The following ABCA8 variants were observed in gnomAD, a reference collection of about 807,000 sequenced individuals.
ABCA8 encodes ATP binding cassette subfamily A member 8, also known as ABC-type organic anion transporter ABCA8.
ABCA8 carries 177 observed loss-of-function variants against 192.3 expected under a neutral mutation model. That is an observed-to-expected ratio of 0.92 (90% confidence interval 0.81 to 1.04). The LOEUF (loss-of-function observed/expected upper bound fraction) is 1.04. ABCA8 is among the 50% of genes least tolerant of loss of function. The pLI is 0.00. For synonymous variants in ABCA8, 642 were observed against 690.2 expected (o/e 0.93, Z 1.09); for missense variants, 1,915 against 1,904.8 (o/e 1.01, Z -0.10).
intron 32 of ABCA8, 136 bp downstream of exon 32, chr17:68,880,984 G>GA: frequency 2.9e-6 from 2 of 687,790 alleles, no homozygotes; most frequent in Non-Finnish European, 2.6e-6. Context: ...GATAATTCGT[G>GA]AATTTATTCT....
At chr17:68,921,837 G>T (rs2067541415) in intron 12 of ABCA8, among the ~76,000 whole-genome samples, 1 of 151,886 alleles carries the variant, frequency 6.6e-6, no homozygotes. Context: ...GTTATTACAT[G>T]GCTAAAACTC....
chr17:68,918,333 T>A lies in ABCA8; in HGVS notation c.1908+94A>T. On this transcript the variant is annotated intron_variant, in intron 15 of 39. Transcript: ENST00000586539. The stretch of plus-strand genomic sequence containing the variant: ...TTAATGTTCTATTATGAATATTTTA[T>A]AACACATGTCCTTTGCGAATAAAAT... 6 of 1,495,588 alleles carry A rather than the reference T, an allele frequency of 4.0e-6. No individual in the cohort carries two copies. In the South Asian group the frequency reaches 6.4e-5, roughly 16 times the overall value. The allele number at this position is 1,495,588 out of a possible 1,614,324, so 92.6% of individuals were successfully genotyped here.
intron 17 of ABCA8, among the ~76,000 whole-genome samples, chr17:68,916,292 T>C: frequency 6.6e-6 from 1 of 152,164 alleles, no homozygotes; most frequent in East Asian, 1.9e-4. Flanking sequence ...ACATGTACAA[T>C]ATATTAATAT....
chr17:68,893,500 C>A (rs2066664325), intron 23 of ABCA8, among the ~76,000 whole-genome samples: 1 of 152,250 alleles, frequency 6.6e-6, no homozygotes, highest in East Asian at 1.9e-4. Flanking sequence ...GAAATTCTAG[C>A]CTGAACTTTG....
At chr17:68,883,119 T>C (rs1471706480) in intron 29 of ABCA8, among the ~76,000 whole-genome samples, 1 of 152,208 alleles carries the variant, frequency 6.6e-6, no homozygotes, top group Non-Finnish European at 1.5e-5. Flanking sequence ...TATTGACTTT[T>C]CCTCTCCATT....
At position 68,918,080 on chromosome 17, in the gene ABCA8, T is replaced by C. The variant is rs1301297497; in HGVS notation, c.2014A>G (p.Thr672Ala). 1 of 1,614,054 alleles carries C rather than the reference T, an allele frequency of 6.2e-7. No homozygotes were observed. Among genetic ancestry groups the C allele is most frequent in the Non-Finnish European group, 8.5e-7 (1 of 1,180,030 alleles). The change falls in exon 16 of 40, where the codon ACC (threonine) becomes GCC (alanine). Residue 672 changes from threonine (T) to alanine (A), a missense_variant. Transcript: ENST00000586539. ...RKTDRVILFS[T>A]QFMDEADILA... The stretch of plus-strand genomic sequence containing the variant: ...ATGTCGGCCTCATCCATGAACTGGG[T>C]ACTGAAGAGGATCACGCGGTCTGTT...
chr17:68,947,161 ATATAATTAAAATGTT>A (rs1280380740), intron 2 of ABCA8, among the ~76,000 whole-genome samples: 1 of 152,168 alleles, frequency 6.6e-6, no homozygotes, highest in Non-Finnish European at 1.5e-5. Flanking sequence ...ATTCATTCAG[ATATAATTAAAATGTT>A]TATGGTATTG....
At chr17:68,926,900 C>G (rs901376226) in intron 10 of ABCA8, among the ~76,000 whole-genome samples, 1 of 152,100 alleles carries the variant, frequency 6.6e-6, no homozygotes, top group Non-Finnish European at 1.5e-5. Flanking sequence ...GGCATTCTGT[C>G]TTGAATAGGA....
intron 37 of ABCA8, among the ~76,000 whole-genome samples, chr17:68,870,297 C>T (rs1427138043): frequency 2.6e-5 from 4 of 152,324 alleles, no homozygotes; most frequent in East Asian, 3.9e-4. Context: ...ATGATTTGGA[C>T]TGATCACTGT....
In ABCA8 at chr17:68,867,812, T is replaced by C. The variant is rs1345453699; in HGVS notation, c.*273A>G. The C allele has an allele frequency of 5.1e-5, 13 of 253,398 alleles. No homozygotes were observed. Among genetic ancestry groups the C allele is most frequent in the African/African-American group, 2.4e-4 (11 of 45,076 alleles). The allele number at this position is 253,398 out of a possible 1,614,324, so 15.7% of individuals were successfully genotyped here. On this transcript the variant is annotated 3_prime_UTR_variant, in exon 40 of 40. Coordinates refer to ENST00000586539, the MANE Select transcript of ABCA8 (RefSeq NM_001288985.2). ...TTATCTAGAAACTTATACGATCATG[T>C]AAAAGTAAATTTATTTATTCAGTAT...
chr17:68,881,901 T>C lies in ABCA8; in HGVS notation c.3908A>G (p.Lys1303Arg). The part of the protein sequence containing the change: ...RKGCFSKRKN[K>R]IATRNVSFCV... ...GAAGGAGACATTTCTCGTGGCTATC[T>C]TATTCTTCCTCTTGGAAAAACAGCC... Residue 1303 changes from lysine to arginine, a missense_variant, in exon 31 of 40, where the codon AAG (lysine) becomes AGG (arginine). By Grantham distance (26) the Lys-to-Arg change is conservative (BLOSUM62 2). Transcript: ENST00000586539. The C allele has an allele frequency of 6.2e-7, 1 of 1,614,110 alleles. No homozygotes were observed. Among genetic ancestry groups the C allele is most frequent in the South Asian group, 1.1e-5 (1 of 91,086 alleles).
At chr17:68,870,189 C>T (rs142419893) in intron 37 of ABCA8, among the ~76,000 whole-genome samples, 1 of 152,280 alleles carries the variant, frequency 6.6e-6, no homozygotes, top group African/African-American at 2.4e-5. Context: ...ATAACCTGAC[C>T]CCTCACTGTA....
At chr17:68,949,510 A>C (rs1037161255) in intron 1 of ABCA8, 38 bp from the exon 2 acceptor site, 4 of 152,372 alleles carry the variant, frequency 2.6e-5, no homozygotes, top group South Asian at 2.1e-4. Context: ...ATTTCAGGCC[A>C]ATATCCCTGA....
intron 1 of ABCA8, among the ~76,000 whole-genome samples, chr17:68,954,795 T>A (rs2068668631): frequency 6.6e-6 from 1 of 152,134 alleles, no homozygotes; most frequent in Non-Finnish European, 1.5e-5. Flanking sequence ...AGTCTTAAAG[T>A]CAGAAGAACA....
chr17:68,914,696 T>C (rs1479936036), intron 17 of ABCA8, among the ~76,000 whole-genome samples: 2 of 152,146 alleles, frequency 1.3e-5, no homozygotes, highest in Admixed American at 1.3e-4. Flanking sequence ...AGAATCAATA[T>C]TGTTAAAATG....
chr17:68,912,357 A>G (rs968247565), intron 17 of ABCA8, among the ~76,000 whole-genome samples: 1 of 152,104 alleles, frequency 6.6e-6, no homozygotes, highest in African/African-American at 2.4e-5. Context: ...AAGCAGAAGA[A>G]TCAATGAGCT....
intron 1 of ABCA8, among the ~76,000 whole-genome samples, chr17:68,952,509 A>G (rs2068595977): frequency 6.6e-6 from 1 of 152,230 alleles, no homozygotes; most frequent in Non-Finnish European, 1.5e-5. Context: ...TAAAGAACAT[A>G]CAAAGTAGAT....
rs2067473084 is a variant in ABCA8, at chr17:68,919,277, ATTAACT to A, written c.1788+18_1788+23del. ...TTAATAATCTCATTTTGACCAACAC[ATTAACT>A]TTAACATATTTTTGTACCTCTTTAT... On this transcript the variant is annotated intron_variant, in intron 14 of 39. Coordinates refer to ENST00000586539, the MANE Select transcript of ABCA8 (RefSeq NM_001288985.2). 1 of 1,576,324 alleles carries A rather than the reference ATTAACT, an allele frequency of 6.3e-7. No homozygotes were observed. The highest frequency in any genetic ancestry group is 1.4e-5 in the African/African-American group (1 of 73,654).
intron 21 of ABCA8, among the ~76,000 whole-genome samples, chr17:68,896,595 C>G (rs774003489): frequency 1.1e-4 from 16 of 152,140 alleles, no homozygotes; most frequent in Non-Finnish European, 1.9e-4. Flanking sequence ...GCTACCTACT[C>G]ATTAGTTACT....
Sources: gnomAD v4.1 joint callset for allele counts (sites outside exome capture counted in the v4.1 genomes callset) on GRCh38, gnomAD v4.1.1 for gene constraint, MANE v1.5 for transcripts, NCBI Gene and HGNC (gene_info 2026-07-23, HGNC 2026-07-21) for gene names.